The following VPS8 variants were observed in gnomAD, a reference collection of about 807,000 sequenced individuals.
VPS8 encodes VPS8 subunit of CORVET complex.
In VPS8, 129 loss-of-function variants were observed where a neutral mutation model predicts 216.4. The ratio of observed to expected loss-of-function variants is 0.60; its 90% confidence interval spans 0.52 to 0.69. The LOEUF (loss-of-function observed/expected upper bound fraction) is 0.69. Ranked by LOEUF, VPS8 falls within the 30% of genes least tolerant of loss-of-function variation. VPS8 has a pLI of 0.00. For synonymous variants in VPS8, 571 were observed against 565.4 expected (o/e 1.01, Z -0.14); for missense variants, 1,531 against 1,683.5 (o/e 0.91, Z 1.59).
chr3:184,971,862 G>A (rs4686919), intron 40 of VPS8, 110 bp downstream of exon 40: 70,090 of 818,648 alleles, frequency 0.086, 3,399 homozygotes, highest in African/African-American at 0.094. Flanking sequence ...ATCACCTGAG[G>A]TCAGGAGTTT....
intron 20 of VPS8, 22 bp downstream of exon 20, chr3:184,869,550 T>A: frequency 1.2e-6 from 2 of 1,611,938 alleles, no homozygotes; most frequent in South Asian, 1.1e-5. Context: ...AAGAGGGTCT[T>A]TACTAGAATA....
intron 3 of VPS8, among the ~76,000 whole-genome samples, chr3:184,830,014 A>G (rs1719652799): frequency 6.6e-6 from 1 of 152,186 alleles, no homozygotes; most frequent in Non-Finnish European, 1.5e-5. Flanking sequence ...AATATAGTTC[A>G]GCTTATTAAA....
At chr3:184,925,182 T>C (rs546843209) in intron 30 of VPS8, among the ~76,000 whole-genome samples, 3 of 152,250 alleles carry the variant, frequency 2.0e-5, no homozygotes, top group African/African-American at 4.8e-5. Flanking sequence ...TTTACAGAGA[T>C]TGTGTTCTCT....
At chr3:184,932,108 A>AG (rs1320481353) in intron 34 of VPS8, among the ~76,000 whole-genome samples, 1 of 152,148 alleles carries the variant, frequency 6.6e-6, no homozygotes, top group Admixed American at 6.6e-5. Context: ...CCACAATGAC[A>AG]GGTGTATAAG....
At chr3:185,041,130 G>A (rs754199743) in intron 46 of VPS8, among the ~76,000 whole-genome samples, 5 of 152,052 alleles carry the variant, frequency 3.3e-5, no homozygotes, top group Non-Finnish European at 5.9e-5. Context: ...GTTTGAACCT[G>A]GGAGGCGGAG....
chr3:184,845,602 A>G (rs1352445171), intron 8 of VPS8, among the ~76,000 whole-genome samples: 1 of 152,080 alleles, frequency 6.6e-6, no homozygotes, highest in Non-Finnish European at 1.5e-5. Flanking sequence ...CTAAAAATAC[A>G]AAATTAGCTG....
Position 185,052,097 on chromosome 3 carries a change from G to A in VPS8, c.*72G>A. ...CAGCTGGGGAGAGGCCCCGCCTCTG[G>A]TGGGCTTGGCCTCCACCACCTCCCA... On this transcript the variant is annotated 3_prime_UTR_variant, in exon 48 of 48. Transcript: ENST00000625842. The A allele has an allele frequency of 4.0e-6, 6 of 1,496,878 alleles. No homozygotes were observed. Among genetic ancestry groups the A allele is most frequent in the Non-Finnish European group, 5.3e-6 (6 of 1,124,334 alleles). The allele number at this position is 1,496,878 out of a possible 1,614,324, so 92.7% of individuals were successfully genotyped here. A position where few individuals can be genotyped will look rare whatever the true frequency, so the allele number is the denominator to read the frequency against.
At chr3:184,881,976 G>A (rs755642717) in intron 21 of VPS8, among the ~76,000 whole-genome samples, 16 of 151,118 alleles carry the variant, frequency 1.1e-4, no homozygotes, top group Non-Finnish European at 1.9e-4. Context: ...AATGCTTTTT[G>A]TAGATTCCTT....
chr3:184,911,952 C>G (rs980978844), intron 25 of VPS8, among the ~76,000 whole-genome samples: 12 of 152,172 alleles, frequency 7.9e-5, no homozygotes, highest in Non-Finnish European at 1.8e-4. Flanking sequence ...GGCGTAGTGC[C>G]CATATCTAAC....
chr3:184,993,437 TGCAGTGGAGA>T (rs763472858), intron 42 of VPS8, among the ~76,000 whole-genome samples: 29 of 152,194 alleles, frequency 1.9e-4, no homozygotes, highest in South Asian at 1.5e-3. Flanking sequence ...TCATATGAAA[TGCAGTGGAGA>T]GAACATTGGG....
chr3:184,991,073 A>C (rs1751840521), intron 42 of VPS8, among the ~76,000 whole-genome samples: 1 of 152,214 alleles, frequency 6.6e-6, no homozygotes, highest in South Asian at 2.1e-4. Context: ...AGGAAAGGCA[A>C]ACAAATTATT....
At position 184,905,493 on chromosome 3, in the gene VPS8, G is replaced by A. The variant is rs570740019; in HGVS notation, c.2146+4521G>A. ...TGACTCTTCTCTCTTTTTTTAGTCT[G>A]TCTAAAGGTTTGTCAGTTTTGTTGA... On this transcript the variant is annotated intron_variant, in intron 25 of 47. Coordinates refer to ENST00000625842, the MANE Select transcript of VPS8 (RefSeq NM_001009921.3). Among the ~76,000 whole-genome samples the A allele has an allele frequency of 5.9e-5, 9 of 151,700 alleles. No individual in the cohort carries two copies. The East Asian group carries it at 1.7e-3, about 29-fold the overall frequency.
chr3:184,937,580 A>C (rs997281016), intron 35 of VPS8, among the ~76,000 whole-genome samples: 1 of 152,218 alleles, frequency 6.6e-6, no homozygotes, highest in Admixed American at 6.5e-5. Flanking sequence ...AGATATGTGA[A>C]AAGTACTGTA....
intron 23 of VPS8, among the ~76,000 whole-genome samples, chr3:184,897,292 A>G (rs1373023517): frequency 6.6e-6 from 1 of 152,102 alleles, no homozygotes; most frequent in Non-Finnish European, 1.5e-5. Flanking sequence ...TGTTTTAGAG[A>G]TAGAATTGAT....
chr3:184,892,908 T>G (rs1423645395), intron 22 of VPS8, among the ~76,000 whole-genome samples: 8 of 152,242 alleles, frequency 5.3e-5, no homozygotes, highest in Admixed American at 3.3e-4. Context: ...GGCTTCCAAA[T>G]CTGACATTTT....
chr3:184,820,619 G>A (rs536762854), intron 1 of VPS8, among the ~76,000 whole-genome samples: 4 of 152,066 alleles, frequency 2.6e-5, no homozygotes, highest in African/African-American at 9.6e-5. Flanking sequence ...CACAGAAGCT[G>A]CTCATGTGAA....
chr3:184,908,544 T>G (rs1735903278), intron 25 of VPS8, among the ~76,000 whole-genome samples: 3 of 152,210 alleles, frequency 2.0e-5, no homozygotes, highest in Admixed American at 1.3e-4. Flanking sequence ...TCTTTTAGTT[T>G]TACCATCCAT....
At chr3:184,936,515 CTGTGTGTGTGTG>C (rs59011109) in intron 35 of VPS8, among the ~76,000 whole-genome samples, 180 bp downstream of exon 35, 5,169 of 119,416 alleles carry the variant, frequency 0.043, 154 homozygotes, top group African/African-American at 0.096. Flanking sequence ...CAACCTAATA[CTGTGTGTGTGTG>C]TGTGTGTGTG....
Position 184,824,699 on chromosome 3 carries a change from C to T in VPS8, c.67C>T (p.Leu23=). 5 of 1,613,862 alleles carry T rather than the reference C, an allele frequency of 3.1e-6. No individual in the cohort carries two copies. The highest frequency in any genetic ancestry group is 4.2e-6 in the Non-Finnish European group (5 of 1,179,854). ...SLCAKTSEEE[L]NKSFNLEASL... is the part of the protein sequence containing the mutation. ...CTGTGCCAAGACGAGCGAAGAAGAG[C>T]TGAATAAGTCTTTCAATCTAGAAGC... Residue 23 remains leucine, a synonymous_variant, in exon 2 of 48, where the codon CTG becomes TTG. Coordinates refer to ENST00000625842, the MANE Select transcript of VPS8 (RefSeq NM_001009921.3).
Sources: allele counts gnomAD v4.1 joint callset (sites outside exome capture counted in the v4.1 genomes callset), GRCh38; gene constraint gnomAD v4.1.1; transcripts MANE v1.5; gene names NCBI Gene and HGNC (gene_info 2026-07-23, HGNC 2026-07-21).